The following ATP10B variants were observed in gnomAD, a reference collection of about 807,000 sequenced individuals.
The protein encoded by ATP10B is ATPase phospholipid transporting 10B (putative).
In ATP10B, 122 loss-of-function variants were observed where a neutral mutation model predicts 141.2. That is an observed-to-expected ratio of 0.86 (90% CI 0.75 to 1.00). ATP10B has a LOEUF of 1.00. Ranked by LOEUF, ATP10B falls within the 50% of genes least tolerant of loss-of-function variation. ATP10B has a pLI of 0.00. For synonymous variants in ATP10B, 685 were observed against 692.0 expected, an observed-to-expected ratio of 0.99 and a Z score of 0.16; for missense variants, 1,876 against 1,825.3, an observed-to-expected ratio of 1.03 and a Z score of -0.51.
chr5:160,791,660 G>A (rs1201937449), intron 1 of ATP10B, among the ~76,000 whole-genome samples: 1 of 152,160 alleles, frequency 6.6e-6, no homozygotes, highest in Non-Finnish European at 1.5e-5. Context: ...GCAGGATGAA[G>A]AAAGTGCAAA....
chr5:160,699,553 A>G (rs912427278), intron 3 of ATP10B, among the ~76,000 whole-genome samples: 4 of 152,196 alleles, frequency 2.6e-5, no homozygotes, highest in Admixed American at 1.3e-4. Context: ...ATGGAGCAAG[A>G]TCTGGGAAAT....
At chr5:160,760,474 T>A (rs1281081186) in intron 2 of ATP10B, among the ~76,000 whole-genome samples, 1 of 152,230 alleles carries the variant, frequency 6.6e-6, no homozygotes, top group African/African-American at 2.4e-5. Flanking sequence ...TCTTTTGGAT[T>A]ATATGCTACA....
chr5:160,581,210 C>T (rs1037972086), intron 24 of ATP10B, among the ~76,000 whole-genome samples: 4 of 152,170 alleles, frequency 2.6e-5, no homozygotes, highest in Middle Eastern at 3.4e-3. Flanking sequence ...TTTGTTTGCT[C>T]TTGCTTCTCT....
At chr5:160,782,992 G>A (rs1386103130) in intron 2 of ATP10B, among the ~76,000 whole-genome samples, 2 of 151,982 alleles carry the variant, frequency 1.3e-5, no homozygotes, top group African/African-American at 4.8e-5. Flanking sequence ...CATGTAAGTT[G>A]TATGCCTCCT....
At chr5:160,584,586 A>G (rs1755770271) in intron 24 of ATP10B, among the ~76,000 whole-genome samples, 1 of 152,134 alleles carries the variant, frequency 6.6e-6, no homozygotes, top group South Asian at 2.1e-4. Context: ...TAATCTTAAG[A>G]TACTAAAAAA....
chr5:160,790,634 C>T (rs1483623999), intron 1 of ATP10B, among the ~76,000 whole-genome samples: 2 of 152,114 alleles, frequency 1.3e-5, no homozygotes, highest in Non-Finnish European at 2.9e-5. Flanking sequence ...TGTGTTATTG[C>T]ACCTGTAAAT....
the ATP10B span, among the ~76,000 whole-genome samples, chr5:160,888,494 A>C: frequency 6.6e-6 from 1 of 152,192 alleles, no homozygotes; most frequent in African/African-American, 2.4e-5. Flanking sequence ...TCTAGAAGCC[A>C]CCCAGGGTCT....
intron 2 of ATP10B, among the ~76,000 whole-genome samples, chr5:160,737,126 C>T (rs1198746096): frequency 6.6e-6 from 1 of 152,160 alleles, no homozygotes; most frequent in East Asian, 1.9e-4. Context: ...CGATGTGATA[C>T]ATCATACCAA....
At chr5:160,914,899 T>C in the ATP10B span, among the ~76,000 whole-genome samples, 1 of 152,204 alleles carries the variant, frequency 6.6e-6, no homozygotes, top group East Asian at 1.9e-4. Context: ...AGGAACAGCA[T>C]GACAACTATA....
At chr5:160,802,251 A>G (rs1016979266) in intron 1 of ATP10B, among the ~76,000 whole-genome samples, 2 of 152,352 alleles carry the variant, frequency 1.3e-5, no homozygotes, top group South Asian at 2.1e-4. Flanking sequence ...CACAGTAGTC[A>G]ACGGGATGGG....
chr5:160,758,123 A>C (rs1044720005), intron 2 of ATP10B, among the ~76,000 whole-genome samples: 2 of 152,208 alleles, frequency 1.3e-5, no homozygotes, highest in African/African-American at 4.8e-5. Context: ...GAATTAAGCT[A>C]TCTAGGGTGG....
intron 1 of ATP10B, among the ~76,000 whole-genome samples, chr5:160,808,325 T>C (rs1204245591): frequency 3.3e-5 from 5 of 152,186 alleles, no homozygotes; most frequent in African/African-American, 9.7e-5. Context: ...TCCCCGGAAA[T>C]GGTGATTGTA....
chr5:160,628,734 A>G (rs148121476), intron 13 of ATP10B, among the ~76,000 whole-genome samples: 1 of 152,280 alleles, frequency 6.6e-6, no homozygotes, highest in Non-Finnish European at 1.5e-5. Context: ...TGGCATTTTT[A>G]CACAAAGACT....
At chr5:160,598,033 C>A (rs1236892927) in intron 22 of ATP10B, among the ~76,000 whole-genome samples, 1 of 93,150 alleles carries the variant, frequency 1.1e-5, no homozygotes, top group African/African-American at 3.4e-5. Context: ...ACCCAGCCAT[C>A]CTGGGTATAT....
At chr5:160,619,921 A>G (rs1758228556) in intron 15 of ATP10B, among the ~76,000 whole-genome samples, 1 of 152,208 alleles carries the variant, frequency 6.6e-6, no homozygotes, top group Non-Finnish European at 1.5e-5. Flanking sequence ...ATTTAACACT[A>G]GTTAACCATG....
chr5:160,886,634 T>C, the ATP10B span, among the ~76,000 whole-genome samples: 2 of 152,170 alleles, frequency 1.3e-5, no homozygotes, highest in African/African-American at 4.8e-5. Flanking sequence ...GACGCAAGAA[T>C]TGGCTGATCT....
At chr5:160,802,826 T>C (rs796617199) in intron 1 of ATP10B, among the ~76,000 whole-genome samples, 20 of 152,312 alleles carry the variant, frequency 1.3e-4, no homozygotes, top group South Asian at 4.1e-4. Flanking sequence ...GGGGATGCTT[T>C]TGTCTGGCTT....
At chr5:160,594,653 G>T (rs1756553107) in intron 22 of ATP10B, among the ~76,000 whole-genome samples, 1 of 151,138 alleles carries the variant, frequency 6.6e-6, no homozygotes, top group Admixed American at 6.6e-5. Flanking sequence ...CATCTCATGT[G>T]CAGAGACACA....
chr5:160,747,399 G>T (rs1581455887), intron 2 of ATP10B, among the ~76,000 whole-genome samples: 1 of 152,230 alleles, frequency 6.6e-6, no homozygotes, highest in East Asian at 1.9e-4. Context: ...AATATGTTGA[G>T]GTCGCAATCC....
Sources: allele counts gnomAD v4.1 joint callset (sites outside exome capture counted in the v4.1 genomes callset), GRCh38; gene constraint gnomAD v4.1.1; transcripts MANE v1.5; gene names NCBI Gene and HGNC (gene_info 2026-07-23, HGNC 2026-07-21).